The following RBPJ variants were observed in gnomAD, a reference collection of about 807,000 sequenced individuals.
RBPJ encodes the protein recombining binding protein suppressor of hairless.
A neutral mutation model predicts 67.8 loss-of-function variants in RBPJ; 9 were observed. The ratio of observed to expected loss-of-function variants is 0.13; its 90% CI spans 0.08 to 0.23. The LOEUF (loss-of-function observed/expected upper bound fraction) is 0.23. RBPJ is among the 10% of genes least tolerant of loss of function. RBPJ has a pLI of 1.00. For missense variants in RBPJ, 305 were observed against 595.6 expected (o/e 0.51, Z 5.08); for synonymous variants, 198 against 203.3 (o/e 0.97, Z 0.22).
intron 1 of RBPJ, among the ~76,000 whole-genome samples, chr4:26,293,470 C>CA (rs896903756): frequency 6.7e-6 from 1 of 149,434 alleles, no homozygotes; most frequent in Admixed American, 6.7e-5. Flanking sequence ...CCTGTCCTCA[C>CA]AAAAAATTTT....
At chr4:26,165,198 G>T (rs1261906372) in intron 1 of RBPJ, among the ~76,000 whole-genome samples, 1 of 152,104 alleles carries the variant, frequency 6.6e-6, no homozygotes, top group East Asian at 1.9e-4. Context: ...ATGATAAATA[G>T]TACAGAAATT....
chr4:26,135,148 A>G, the RBPJ span, among the ~76,000 whole-genome samples: 9 of 152,108 alleles, frequency 5.9e-5, no homozygotes, highest in South Asian at 8.3e-4. Context: ...TCACCCCTCA[A>G]CATCCTCAAT....
chr4:26,265,240 C>CAGAGG (rs1393746416), intron 1 of RBPJ, among the ~76,000 whole-genome samples: 2 of 151,992 alleles, frequency 1.3e-5, no homozygotes, highest in Admixed American at 1.3e-4. Context: ...CTCTAAAGAG[C>CAGAGG]GGATGAGGCT....
the RBPJ span, among the ~76,000 whole-genome samples, chr4:26,137,264 C>A: frequency 6.6e-6 from 1 of 152,196 alleles, no homozygotes; most frequent in African/African-American, 2.4e-5. Flanking sequence ...CTGCAGCTCA[C>A]AGGATTTGGG....
chr4:26,380,473 G>A (rs951848912), intron 1 of RBPJ, among the ~76,000 whole-genome samples: 18 of 152,112 alleles, frequency 1.2e-4, no homozygotes, highest in African/African-American at 4.3e-4. Flanking sequence ...TAATGAGCCT[G>A]TTATGTATTT....
intron 1 of RBPJ, among the ~76,000 whole-genome samples, chr4:26,273,754 T>G (rs951861360): frequency 6.6e-6 from 1 of 152,196 alleles, no homozygotes; most frequent in African/African-American, 2.4e-5. Flanking sequence ...TCTGTTTGCA[T>G]CACTGGTAAC....
At chr4:26,312,098 G>A (rs890172410) in intron 1 of RBPJ, among the ~76,000 whole-genome samples, 1 of 152,042 alleles carries the variant, frequency 6.6e-6, no homozygotes, top group African/African-American at 2.4e-5. Context: ...TAAGTTCTGA[G>A]GACCACAGCT....
chr4:26,318,236 C>G (rs1722728303), upstream of RBPJ, among the ~76,000 whole-genome samples: 1 of 152,078 alleles, frequency 6.6e-6, no homozygotes, highest in Non-Finnish European at 1.5e-5. Flanking sequence ...CAATTCAACT[C>G]TACATTTGCG....
At chr4:26,319,571 C>T (rs1722811622), upstream of RBPJ, 1 of 500,604 alleles carries the variant, frequency 2.0e-6, no homozygotes, top group Non-Finnish European at 3.6e-6. Flanking sequence ...GCCTTGGCTC[C>T]GCGAGATTTG....
intron 3 of RBPJ, among the ~76,000 whole-genome samples, chr4:26,413,157 C>T (rs766775725): frequency 4.6e-5 from 7 of 152,198 alleles, no homozygotes; most frequent in African/African-American, 7.2e-5. Context: ...TGTACTCCAG[C>T]CGCTCTGGTC....
intron 1 of RBPJ, among the ~76,000 whole-genome samples, chr4:26,174,337 A>C (rs1412709081): frequency 1.3e-5 from 2 of 152,166 alleles, no homozygotes; most frequent in Non-Finnish European, 2.9e-5. Context: ...ACACGGCGTA[A>C]ATTTCTCACT....
intron 4 of RBPJ, among the ~76,000 whole-genome samples, chr4:26,418,254 C>A (rs1307238034): frequency 2.6e-5 from 4 of 152,286 alleles, no homozygotes. Context: ...ATTTTCTCTT[C>A]TAGAATTCCG....
chr4:26,422,999 C>G (rs1735298010), intron 5 of RBPJ, among the ~76,000 whole-genome samples: 2 of 152,158 alleles, frequency 1.3e-5, no homozygotes, highest in Admixed American at 1.3e-4. Context: ...TCAACTCTTG[C>G]AATTTATTTA....
At chr4:26,280,421 G>C (rs1006112570) in intron 1 of RBPJ, among the ~76,000 whole-genome samples, 5 of 148,520 alleles carry the variant, frequency 3.4e-5, no homozygotes, top group Non-Finnish European at 7.4e-5. Flanking sequence ...AAAAAAGAGA[G>C]AGAGAGCCCC....
At chr4:26,176,160 T>A (rs2109123400) in intron 1 of RBPJ, among the ~76,000 whole-genome samples, 1 of 152,356 alleles carries the variant, frequency 6.6e-6, no homozygotes, top group South Asian at 2.1e-4. Flanking sequence ...AAAGTTTGTT[T>A]ATCTAACATT....
At chr4:26,344,404 T>G (rs1725910161) in intron 1 of RBPJ, among the ~76,000 whole-genome samples, 1 of 151,598 alleles carries the variant, frequency 6.6e-6, no homozygotes, top group Admixed American at 6.6e-5. Flanking sequence ...CCGGCTAATT[T>G]TTTTGTATTT....
intron 1 of RBPJ, chr4:26,322,074 G>A (rs1233638780): frequency 6.6e-6 from 1 of 151,966 alleles, no homozygotes; most frequent in African/African-American, 2.4e-5. Flanking sequence ...AAAAAGATCT[G>A]GTCTCTTGGT....
At chr4:26,313,723 C>T (rs1420539059) in intron 1 of RBPJ, among the ~76,000 whole-genome samples, 1 of 151,568 alleles carries the variant, frequency 6.6e-6, no homozygotes, top group Non-Finnish European at 1.5e-5. Flanking sequence ...GTAATCCCAG[C>T]TACTCGGGAG....
chr4:26,124,666 T>C, the RBPJ span, among the ~76,000 whole-genome samples: 2 of 151,706 alleles, frequency 1.3e-5, no homozygotes, highest in South Asian at 4.2e-4. Flanking sequence ...TCTCCACACT[T>C]TTTTCCATAG....
Sources: gnomAD v4.1 joint callset for allele counts (sites outside exome capture counted in the v4.1 genomes callset) on GRCh38, gnomAD v4.1.1 for gene constraint, MANE v1.5 for transcripts, NCBI Gene and HGNC (gene_info 2026-07-23, HGNC 2026-07-21) for gene names.